TNRC18: variants seen among roughly 807,000 people sequenced by gnomAD.
The protein encoded by TNRC18 is trinucleotide repeat containing 18, also known as trinucleotide repeat-containing gene 18 protein.
A neutral mutation model predicts 226.7 loss-of-function variants in TNRC18; 69 were observed. That is an observed-to-expected ratio of 0.30 (90% CI 0.25 to 0.37). The LOEUF is 0.37. TNRC18 is among the 10% of genes least tolerant of loss of function. TNRC18 has a pLI of 1.00. For synonymous variants in TNRC18, 2,449 were observed against 1,927.6 expected (o/e 1.27, Z -7.09); for missense variants, 4,754 against 4,256.6 (o/e 1.12, Z -3.25).
At chr7:5,358,634 T>G (rs928598764) in intron 15 of TNRC18, among the ~76,000 whole-genome samples, 2 of 152,098 alleles carry the variant, frequency 1.3e-5, no homozygotes, top group Admixed American at 1.3e-4. Context: ...GCCAAGATGG[T>G]GAAACCCCAT....
chr7:5,315,617 T>C (rs1255653199), intron 25 of TNRC18, among the ~76,000 whole-genome samples: 1 of 151,986 alleles, frequency 6.6e-6, no homozygotes, highest in African/African-American at 2.4e-5. Flanking sequence ...AGAGACAGGG[T>C]TTCACCATAT....
intron 11 of TNRC18, among the ~76,000 whole-genome samples, chr7:5,368,275 T>C (rs1207179813): frequency 1.3e-5 from 2 of 149,148 alleles, no homozygotes. Context: ...GCGACCAGCC[T>C]GGCCAACATG....
At chr7:5,354,802 G>A (rs1792172752) in intron 16 of TNRC18, among the ~76,000 whole-genome samples, 3 of 152,166 alleles carry the variant, frequency 2.0e-5, no homozygotes, top group Admixed American at 2.0e-4. Context: ...TCAGCTCTCT[G>A]CCCACGTAAG....
chr7:5,345,624 G>C lies in TNRC18; in HGVS notation c.5657C>G (p.Ser1886Cys), dbSNP rs1245107880. The C allele has an allele frequency of 1.3e-6, 2 of 1,555,098 alleles. No individual in the cohort carries two copies. Among genetic ancestry groups the C allele is most frequent in the African/African-American group, 1.4e-5 (1 of 73,032 alleles). ...CTGCTTGGCCTCCAGCTGTACCACA[G>C]ACAGGGATGGACCCACCGTGGGGCT... ...LPSPTVGPSLSVVQLEAKQKA... is the reference protein window; with the variant it reads ...LPSPTVGPSLCVVQLEAKQKA... The change falls in exon 18 of 30, where the codon TCT (serine) becomes TGT (cysteine). Residue 1886 changes from serine (S) to cysteine (C), a missense_variant. Physicochemically the swap from Ser to Cys is moderately radical, Grantham distance 112. Transcript: ENST00000430969.
Position 5,376,970 on chromosome 7 carries a change from G to C in TNRC18, c.2485C>G (p.Gln829Glu). 1 of 1,585,728 alleles carries C rather than the reference G, an allele frequency of 6.3e-7. No individual in the cohort carries two copies. The highest frequency in any genetic ancestry group is 8.6e-7 in the Non-Finnish European group (1 of 1,166,396). ...GGTGGGAACGCAGGGGCCATGCCCTGGTGCAGAGATGGGGGACCCAAGCCT... is the reference window on the plus strand; with the variant it reads ...GGTGGGAACGCAGGGGCCATGCCCTCGTGCAGAGATGGGGGACCCAAGCCT... ...PYGLGPPSLH[Q>E]GMAPAFPPGL... Residue 829 changes from glutamine to glutamate, a missense_variant, in exon 8 of 30, where the codon CAG becomes GAG. Gln to Glu is a conservative substitution (Grantham distance 29). Transcript: ENST00000430969.
intron 19 of TNRC18, among the ~76,000 whole-genome samples, chr7:5,328,611 C>T (rs1334970207): frequency 1.5e-4 from 23 of 151,824 alleles, no homozygotes; most frequent in African/African-American, 3.9e-4. Flanking sequence ...TGGGTTCGAG[C>T]GATTCTTCTG....
intron 27 of TNRC18, among the ~76,000 whole-genome samples, chr7:5,310,084 T>G (rs1250221641): frequency 6.6e-6 from 1 of 152,116 alleles, no homozygotes; most frequent in African/African-American, 2.4e-5. Flanking sequence ...TTTATTTTTG[T>G]AGAGATGGGG....
intron 2 of TNRC18, among the ~76,000 whole-genome samples, chr7:5,405,571 A>AAAAAC (rs925558960): frequency 1.3e-5 from 2 of 152,096 alleles, no homozygotes; most frequent in African/African-American, 2.4e-5. Flanking sequence ...TCCGTCTCAA[A>AAAAAC]AAAACAAAAC....
Position 5,345,726 on chromosome 7 carries a change from CG to C in TNRC18, c.5554del (p.Arg1852GlyfsTer181). The C allele has an allele frequency of 6.5e-7, 1 of 1,548,512 alleles. No individual in the cohort carries two copies. Among genetic ancestry groups the C allele is most frequent in the Non-Finnish European group, 8.7e-7 (1 of 1,146,828 alleles). On this transcript the variant is annotated frameshift_variant, in exon 18 of 30. Transcript: ENST00000430969. LOFTEE classifies it high-confidence loss of function. ...ASGGGYRLGA[R>X]ERALSPGLEE... The stretch of plus-strand genomic sequence containing the variant: ...CAGGCCCGGTGACAGGGCCCGCTCC[CG>C]GGCACCCAGCCTGTAGCCACCACCG...
At chr7:5,380,280 T>A (rs1401765263) in intron 5 of TNRC18, among the ~76,000 whole-genome samples, 20 of 152,134 alleles carry the variant, frequency 1.3e-4, no homozygotes, top group Non-Finnish European at 5.9e-5. Context: ...TCCCCATCTC[T>A]ACAAAAACAT....
rs750713900 is a variant in TNRC18 at position 5,313,566 on chromosome 7, G to A, written c.7325C>T (p.Ala2442Val). 12 of 1,605,852 alleles carry A rather than the reference G, an allele frequency of 7.5e-6. No homozygotes were observed. The Middle Eastern group carries it at 5.8e-4, about 78-fold the overall frequency. The change falls in exon 27 of 30, where the codon GCA becomes GTA. Residue 2442 changes from alanine (A) to valine (V), a missense_variant. Transcript: ENST00000430969. ...ATRPKPKKAR[A>V]AEESGAKGPR... ...GCCCTTGGCACCCGACTCCTCGGCT[G>A]CCCGCGCCTTCTTGGGCTTGGGGCG...
At chr7:5,314,380 C>T (rs113224031) in intron 26 of TNRC18, among the ~76,000 whole-genome samples, 1 of 152,038 alleles carries the variant, frequency 6.6e-6, no homozygotes. Context: ...TTGTGTTGGC[C>T]CCAAAGCGGG....
intron 2 of TNRC18, among the ~76,000 whole-genome samples, chr7:5,402,778 C>G (rs924032974): frequency 5.1e-4 from 77 of 152,030 alleles, no homozygotes; most frequent in African/African-American, 1.5e-3. Context: ...TGCTTGAACC[C>G]AGGAGACAGA....
At chr7:5,308,372 C>T (rs1786791396) in intron 29 of TNRC18, 60 bp from the exon 30 acceptor site, 1 of 1,478,300 alleles carries the variant, frequency 6.8e-7, no homozygotes, top group Admixed American at 2.0e-5. Context: ...GAGGGAGCCC[C>T]AGGGAGCCAC....
Position 5,377,352 on chromosome 7 carries a change from C to T in TNRC18, c.2461+19G>A. 8.9e-7 allele frequency: 1 copy of T among 1,128,040 alleles called. No homozygotes were observed. Among genetic ancestry groups the T allele is most frequent in the Non-Finnish European group, 1.2e-6 (1 of 811,004 alleles). 69.9% of individuals were successfully genotyped at this position (1,128,040 alleles called of 1,614,324 possible). On this transcript the variant is annotated intron_variant, in intron 7 of 29. Transcript: ENST00000430969. This position sits in a 1 kb window ranked among gnomAD's most constrained non-coding sequence, Gnocchi z 5.8. ...CCCCTCCCTCAGAGAAGGGGAGAGA[C>T]CCTGTGCCCCACACTCACCGTAGGG...
intron 12 of TNRC18, 56 bp downstream of exon 12, chr7:5,362,594 G>A: frequency 6.9e-7 from 1 of 1,454,088 alleles, no homozygotes; most frequent in Non-Finnish European, 9.2e-7. Context: ...TCCACAGAGG[G>A]GCCTCCCACC....
rs183725867 is a variant in TNRC18 at position 5,389,604 on chromosome 7, C to T, written c.488-268G>A. On this transcript the variant is annotated intron_variant, in intron 4 of 29. Coordinates refer to ENST00000430969, the MANE Select transcript of TNRC18 (RefSeq NM_001080495.3). ...CCGGTAGCTGGGATTACAGGCGCAC[C>T]CCACCACGCACGGCTAATTATTGTA... 78 of 267,628 alleles carry T rather than the reference C, an allele frequency of 2.9e-4. No individual in the cohort carries two copies. The East Asian group carries it at 5.6e-3, about 19-fold the overall frequency. 16.6% of individuals were successfully genotyped at this position (267,628 alleles called of 1,614,324 possible). A position where few individuals can be genotyped will look rare whatever the true frequency, so the allele number is the denominator to read the frequency against.
At chr7:5,345,464 C>T (rs1044085185) in intron 18 of TNRC18, 98 bp downstream of exon 18, 41 of 1,229,230 alleles carry the variant, frequency 3.3e-5, no homozygotes, top group Non-Finnish European at 4.3e-5. Context: ...CAGCTCTGCA[C>T]CTGCATCTCT....
rs1370537211 is a variant in TNRC18, at chr7:5,357,146, T to C, written c.4964A>G (p.Lys1655Arg). The change falls in exon 16 of 30, where the codon AAA becomes AGA. Residue 1655 changes from lysine (K) to arginine (R), a missense_variant. By Grantham distance (26) the Lys-to-Arg change is conservative. Coordinates refer to ENST00000430969, the MANE Select transcript of TNRC18 (RefSeq NM_001080495.3). ...GCCGCAGCCCCCGCTAGTTTTCGAT[T>C]TCCCCCCAGCACTGTCCGAAAACTT... ...PFKFSDSAGG[K>R]SKTSGGCGRY... 2 of 1,575,428 alleles carry C rather than the reference T, an allele frequency of 1.3e-6. No homozygotes were observed. Among genetic ancestry groups the C allele is most frequent in the East Asian group, 2.3e-5 (1 of 43,454 alleles).
Sources: allele counts gnomAD v4.1 joint callset (sites outside exome capture counted in the v4.1 genomes callset), GRCh38; gene constraint gnomAD v4.1.1; non-coding constraint Gnocchi (gnomAD v3.1); transcripts MANE v1.5; gene names NCBI Gene and HGNC (gene_info 2026-07-23, HGNC 2026-07-21).